Variants in TNS1 observed in about 807,000 individuals in gnomAD.
The protein encoded by TNS1 is tensin-1.
In TNS1, 62 loss-of-function variants were observed where a neutral mutation model predicts 168.6. The ratio of observed to expected loss-of-function variants is 0.37; its 90% CI spans 0.30 to 0.45. The LOEUF is 0.45. Among genes scored for constraint, TNS1 ranks in the 20% least tolerant of loss-of-function variants. The pLI is 1.00. For missense variants in TNS1, 2,240 were observed against 2,339.4 expected (o/e 0.96, Z 0.88); for synonymous variants, 934 against 933.2 (o/e 1.00, Z -0.02).
chr2:217,848,819 G>A lies in TNS1; in HGVS notation c.1698C>T (p.Asp566=). The A allele has an allele frequency of 6.2e-7, 1 of 1,614,068 alleles. No homozygotes were observed. The highest frequency in any genetic ancestry group is 8.5e-7 in the Non-Finnish European group (1 of 1,180,030). The change falls in exon 19 of 33, where the codon GAC becomes GAT. Residue 566 remains aspartate, a synonymous_variant. Coordinates refer to ENST00000682258, the MANE Select transcript of TNS1 (RefSeq NM_001387777.1). ...ALSPQEKREL[D]RLLSGFGLER... is the part of the protein sequence containing the mutation. ...CTAAGCCAAAGCCACTCAGCAGGCGGTCCAGCTCCCGCTTCTCCTGGGGAC... is the reference window on the plus strand; with the variant it reads ...CTAAGCCAAAGCCACTCAGCAGGCGATCCAGCTCCCGCTTCTCCTGGGGAC...
At chr2:217,906,919 G>T (rs1385891043) in intron 5 of TNS1, among the ~76,000 whole-genome samples, 2 of 152,096 alleles carry the variant, frequency 1.3e-5, no homozygotes, top group Non-Finnish European at 2.9e-5. Context: ...ATTTCATAAG[G>T]AAGCCCACAT....
intron 3 of TNS1, among the ~76,000 whole-genome samples, chr2:217,945,060 T>C (rs1367129537): frequency 6.6e-6 from 1 of 152,188 alleles, no homozygotes; most frequent in African/African-American, 2.4e-5. Context: ...CAGAGGTGAC[T>C]TGTGGAAGTC....
intron 18 of TNS1, among the ~76,000 whole-genome samples, chr2:217,858,040 G>C (rs1372140136): frequency 6.6e-6 from 1 of 152,144 alleles, no homozygotes; most frequent in African/African-American, 2.4e-5. Flanking sequence ...GGTGGGGAAT[G>C]GTGAGCACTG....
At chr2:217,919,875 C>T (rs559903544) in intron 4 of TNS1, among the ~76,000 whole-genome samples, 3 of 152,320 alleles carry the variant, frequency 2.0e-5, no homozygotes, top group East Asian at 3.9e-4. Context: ...AAGGAGATGC[C>T]GTGGCAGCCC....
At chr2:217,898,937 T>C (rs139880126) in intron 7 of TNS1, among the ~76,000 whole-genome samples, 10 of 152,342 alleles carry the variant, frequency 6.6e-5, no homozygotes, top group African/African-American at 2.2e-4. Context: ...TCCCCAATCA[T>C]TGACCTCCTA....
intron 3 of TNS1, among the ~76,000 whole-genome samples, chr2:217,927,345 A>C (rs1956085694): frequency 6.6e-6 from 1 of 152,232 alleles, no homozygotes; most frequent in Admixed American, 6.5e-5. Flanking sequence ...GAAGGGATGA[A>C]GGGAAGAAGG....
intron 3 of TNS1, among the ~76,000 whole-genome samples, chr2:217,924,312 TCTCA>T (rs1488938115): frequency 2.0e-5 from 3 of 151,472 alleles, no homozygotes; most frequent in African/African-American, 7.3e-5. Flanking sequence ...TCTCTCTCTC[TCTCA>T]CACACACACA....
Position 217,800,035 on chromosome 2 carries a change from G to C in TNS1, c.*4424C>G, listed in dbSNP as rs1157952256. ...GATGCTGGGTGATCTTGTTTCCCCC[G>C]CAGAGGGCCTGGGAGGCAGGGAGGG... On this transcript the variant is annotated 3_prime_UTR_variant, in exon 33 of 33. Transcript: ENST00000682258. 1 of 152,162 alleles carries C rather than the reference G, an allele frequency of 6.6e-6. No homozygotes were observed. The highest frequency in any genetic ancestry group is 6.5e-5 in the Admixed American group (1 of 15,268). 9.4% of individuals were successfully genotyped at this position (152,162 alleles called of 1,614,324 possible).
Position 217,886,099 on chromosome 2 carries a change from G to A in TNS1, c.985C>T (p.Arg329Trp), listed in dbSNP as rs758879835. 3.7e-6 allele frequency: 6 copies of A among 1,613,918 alleles called. No homozygotes were observed. Among genetic ancestry groups the A allele is most frequent in the East Asian group, 2.2e-5 (1 of 44,876 alleles). Reference sequence around the variant, plus strand: ...GCCTGGTAGATGCGGAGAAATGGCCGACATCCTGTAAAAGTGGGGTGGGTG... The same window carrying A: ...GCCTGGTAGATGCGGAGAAATGGCCAACATCCTGTAAAAGTGGGGTGGGTG... The part of the protein sequence containing the change: ...IPNFESKGGC[R>W]PFLRIYQAMQ... Residue 329 changes from arginine (R) to tryptophan (W), a missense_variant, in exon 14 of 33, where the codon CGG becomes TGG. By Grantham distance (101) the Arg-to-Trp change is moderately radical. This residue lies in a region of TNS1 where 2,131 missense variants were observed against 2,171.2 expected (regional missense o/e 0.98). Coordinates refer to ENST00000682258, the MANE Select transcript of TNS1 (RefSeq NM_001387777.1).
At chr2:217,946,969 T>TCACACACACACACACACACACA (rs372012573) in intron 3 of TNS1, among the ~76,000 whole-genome samples, 1 of 118,858 alleles carries the variant, frequency 8.4e-6, no homozygotes, top group Non-Finnish European at 1.6e-5. Context: ...TCTCTCTCTC[T>TCACACACACACACACACACACA]CACACACACA....
At chr2:217,845,563 C>A (rs1946527634) in intron 19 of TNS1, among the ~76,000 whole-genome samples, 1 of 152,238 alleles carries the variant, frequency 6.6e-6, no homozygotes, top group South Asian at 2.1e-4. Context: ...TACATTTCAT[C>A]CCTTCTCTTG....
At chr2:217,898,701 G>A (rs1406178535) in intron 7 of TNS1, among the ~76,000 whole-genome samples, 1 of 152,248 alleles carries the variant, frequency 6.6e-6, no homozygotes, top group African/African-American at 2.4e-5. Context: ...AGGGCACAGA[G>A]CCCTTGTTGC....
At chr2:217,941,162 A>G (rs564888963) in intron 3 of TNS1, among the ~76,000 whole-genome samples, 3 of 152,184 alleles carry the variant, frequency 2.0e-5, no homozygotes, top group Non-Finnish European at 4.4e-5. Context: ...TTGGTCTACT[A>G]TCTCCAGGCT....
At chr2:217,941,072 A>G (rs930367005) in intron 3 of TNS1, among the ~76,000 whole-genome samples, 1 of 152,166 alleles carries the variant, frequency 6.6e-6, no homozygotes, top group African/African-American at 2.4e-5. Flanking sequence ...GACAACCCGC[A>G]TTATTTACAA....
At chr2:217,835,738 A>G (rs374824488) in intron 20 of TNS1, among the ~76,000 whole-genome samples, 18 of 152,340 alleles carry the variant, frequency 1.2e-4, no homozygotes, top group African/African-American at 3.6e-4. Context: ...GTGTTCACCT[A>G]TATCATCCCC....
At chr2:218,003,324 G>A (rs1198095465), upstream of TNS1, among the ~76,000 whole-genome samples, 1 of 151,980 alleles carries the variant, frequency 6.6e-6, no homozygotes, top group African/African-American at 2.4e-5. Context: ...AAACCAGCCT[G>A]GGGGCCTTCA....
In TNS1 at chr2:217,847,865, C is replaced by A; in HGVS notation, c.2652G>T (p.Leu884=). ...LSGSSRQSHP[L]TQSRSGYIPS... is the part of the protein sequence containing the mutation. The stretch of plus-strand genomic sequence containing the variant: ...GGATATAGCCAGATCTGGACTGGGT[C>A]AGTGGATGGGACTGACGGGAGGATC... The change falls in exon 19 of 33, where the codon CTG becomes CTT. Residue 884 remains leucine, a synonymous_variant. Transcript: ENST00000682258. 6.3e-7 allele frequency: 1 copy of A among 1,578,888 alleles called. No homozygotes were observed. Among genetic ancestry groups the A allele is most frequent in the Non-Finnish European group, 8.7e-7 (1 of 1,153,288 alleles).
At chr2:217,926,571 T>C (rs1956038314) in intron 3 of TNS1, among the ~76,000 whole-genome samples, 1 of 152,138 alleles carries the variant, frequency 6.6e-6, no homozygotes, top group South Asian at 2.1e-4. Flanking sequence ...ACCTTATTTT[T>C]TGCGATCTTC....
intron 7 of TNS1, among the ~76,000 whole-genome samples, chr2:217,898,408 T>G (rs1245755586): frequency 6.6e-6 from 1 of 152,204 alleles, no homozygotes; most frequent in Non-Finnish European, 1.5e-5. Flanking sequence ...GAGCCTGCGC[T>G]GGGCGCTCTC....
Sources: allele counts gnomAD v4.1 joint callset (sites outside exome capture counted in the v4.1 genomes callset), GRCh38; gene constraint gnomAD v4.1.1; regional missense constraint gnomAD v4.1.1; transcripts MANE v1.5; gene names NCBI Gene and HGNC (gene_info 2026-07-23, HGNC 2026-07-21).